Variants in RBMS1 observed in about 807,000 individuals in gnomAD.
RBMS1 encodes RNA-binding motif, single-stranded-interacting protein 1.
In RBMS1, 17 loss-of-function variants were observed where a neutral mutation model predicts 62.3. That is an observed-to-expected ratio of 0.27 (90% CI 0.19 to 0.41). The LOEUF is 0.41. Ranked by LOEUF, RBMS1 falls within the 10% of genes least tolerant of loss-of-function variation. The pLI is 1.00. For missense variants in RBMS1, 334 were observed against 504.5 expected (o/e 0.66, Z 3.24); for synonymous variants, 172 against 170.0 (o/e 1.01, Z -0.09).
At chr2:160,442,254 T>A (rs980647360) in intron 1 of RBMS1, among the ~76,000 whole-genome samples, 1 of 152,244 alleles carries the variant, frequency 6.6e-6, no homozygotes, top group African/African-American at 2.4e-5. Flanking sequence ...CTTCCATGTC[T>A]TCTTCCAGAA....
At chr2:160,336,394 G>A (rs906650854) in intron 2 of RBMS1, among the ~76,000 whole-genome samples, 3 of 152,020 alleles carry the variant, frequency 2.0e-5, no homozygotes, top group African/African-American at 7.2e-5. Flanking sequence ...TTTTTAGCGG[G>A]GAGACAACCC....
intron 7 of RBMS1, 28 bp downstream of exon 7, chr2:160,286,940 AC>A: frequency 6.8e-7 from 1 of 1,470,506 alleles, no homozygotes; most frequent in South Asian, 1.3e-5. Flanking sequence ...CCCCTCCCCC[AC>A]CCCGCAAAGT....
At chr2:160,420,509 T>C (rs573959848) in intron 1 of RBMS1, among the ~76,000 whole-genome samples, 26 of 152,286 alleles carry the variant, frequency 1.7e-4, no homozygotes, top group African/African-American at 5.5e-4. Flanking sequence ...AACTCCTCTA[T>C]TGAAGATACA....
In RBMS1 at chr2:160,311,210, A is replaced by ATCTCTCTCTCTCTCTCTCTCTCTC. The variant is rs1361792296; in HGVS notation, c.402+1945_402+1946insGAGAGAGAGAGAGAGAGAGAGAGA. On this transcript the variant is annotated intron_variant, in intron 4 of 13. Transcript: ENST00000348849. ...ACCCTGTCTCCAAAAAAAAAAAAAA[A>ATCTCTCTCTCTCTCTCTCTCTCTC]TCTATCTATCTATCTATCTATCTAT... 1.2e-3 allele frequency among the ~76,000 whole-genome samples: 69 copies of ATCTCTCTCTCTCTCTCTCTCTCTC among 56,550 alleles called. 3 individuals carry two copies. The highest frequency in any genetic ancestry group is 1.7e-3 in the Non-Finnish European group (47 of 27,188). The allele number at this position is 56,550 out of a possible 152,430, so 37.1% of individuals were successfully genotyped here.
intron 1 of RBMS1, among the ~76,000 whole-genome samples, chr2:160,370,435 C>T (rs1693662809): frequency 6.6e-6 from 1 of 152,172 alleles, no homozygotes; most frequent in Admixed American, 6.5e-5. Context: ...GAGTTCGAGA[C>T]CAGCCTGGCC....
chr2:160,397,749 A>G lies in RBMS1; in HGVS notation c.76-30358T>C, dbSNP rs576561046. ...TTTAAAAGTTTACAAAGACCTCCCA[A>G]TGGGTATTTCCAATGGCCCTTTACT... On this transcript the variant is annotated intron_variant, in intron 1 of 13. Transcript: ENST00000348849. Among the ~76,000 whole-genome samples, 7 of 152,138 alleles carry G rather than the reference A, an allele frequency of 4.6e-5. No homozygotes were observed. The East Asian group carries it at 1.4e-3, about 29-fold the overall frequency.
chr2:160,481,219 C>T (rs1372270083), intron 1 of RBMS1, among the ~76,000 whole-genome samples: 1 of 151,740 alleles, frequency 6.6e-6, no homozygotes, highest in South Asian at 2.1e-4. Context: ...AACAGCCATA[C>T]TGGGGCACCG....
intron 1 of RBMS1, among the ~76,000 whole-genome samples, chr2:160,372,255 T>G (rs1367795082): frequency 6.6e-6 from 1 of 150,510 alleles, no homozygotes. Flanking sequence ...AGCTAGGACC[T>G]GCCCTTTAAT....
At chr2:160,307,970 CTTAA>C (rs1033534869) in intron 4 of RBMS1, among the ~76,000 whole-genome samples, 1 of 152,132 alleles carries the variant, frequency 6.6e-6, no homozygotes, top group Admixed American at 6.6e-5. Flanking sequence ...AGTGATTGCC[CTTAA>C]TTTTTTTCTG....
intron 1 of RBMS1, among the ~76,000 whole-genome samples, chr2:160,453,115 T>C (rs537663987): frequency 5.9e-5 from 9 of 151,874 alleles, no homozygotes; most frequent in Non-Finnish European, 1.2e-4. Context: ...ATGATGATGA[T>C]GCTTATTATT....
At chr2:160,359,843 T>A (rs181689921) in intron 2 of RBMS1, among the ~76,000 whole-genome samples, 4 of 152,318 alleles carry the variant, frequency 2.6e-5, no homozygotes, top group Admixed American at 6.5e-5. Flanking sequence ...GCTTAAGAAA[T>A]CTTAGTATTA....
rs540689088 is a variant in RBMS1, at chr2:160,333,604, G to A, written c.252-15377C>T. 2.0e-5 allele frequency among the ~76,000 whole-genome samples: 3 copies of A among 152,262 alleles called. No individual in the cohort carries two copies. The South Asian group carries it at 6.2e-4, about 32-fold the overall frequency. On this transcript the variant is annotated intron_variant, in intron 2 of 13. Transcript: ENST00000348849. ...TTAACTCAGAAGGAAGGCAGGGAAT[G>A]GCTTGAAGCTGAAGCTCATTTCCTA...
chr2:160,380,174 C>A (rs1419294066), intron 1 of RBMS1, among the ~76,000 whole-genome samples: 2 of 152,170 alleles, frequency 1.3e-5, no homozygotes, highest in African/African-American at 4.8e-5. Flanking sequence ...TCCTCACTCA[C>A]CACAGAGAAA....
chr2:160,397,251 C>T (rs1417187892), intron 1 of RBMS1, among the ~76,000 whole-genome samples: 1 of 152,016 alleles, frequency 6.6e-6, no homozygotes, highest in Non-Finnish European at 1.5e-5. Flanking sequence ...TGTCATACTC[C>T]TTAAACTGAA....
chr2:160,298,287 A>G (rs1489606891), intron 6 of RBMS1, among the ~76,000 whole-genome samples: 1 of 152,102 alleles, frequency 6.6e-6, no homozygotes, highest in Non-Finnish European at 1.5e-5. Context: ...CAGGAGGAAG[A>G]GCAGAATTAG....
chr2:160,361,598 T>C (rs984981857), intron 2 of RBMS1, among the ~76,000 whole-genome samples: 6 of 152,354 alleles, frequency 3.9e-5, no homozygotes, highest in African/African-American at 1.4e-4. Context: ...GTTTACACTA[T>C]ATTGTAGCTT....
chr2:160,482,581 T>G (rs900212588), intron 1 of RBMS1, among the ~76,000 whole-genome samples: 2 of 152,190 alleles, frequency 1.3e-5, no homozygotes, highest in Non-Finnish European at 2.9e-5. Flanking sequence ...AACTAGATGA[T>G]TTTTAGAATA....
At chr2:160,372,919 C>T (rs192747195) in intron 1 of RBMS1, among the ~76,000 whole-genome samples, 1 of 152,136 alleles carries the variant, frequency 6.6e-6, no homozygotes, top group East Asian at 1.9e-4. Context: ...AAGAGTAAGG[C>T]CCCTTTACAC....
At chr2:160,321,334 A>T (rs1352619644) in intron 2 of RBMS1, among the ~76,000 whole-genome samples, 1 of 151,886 alleles carries the variant, frequency 6.6e-6, no homozygotes, top group Admixed American at 6.6e-5. Flanking sequence ...TTCTTTGCCC[A>T]TTCAGCTTCC....
Sources: gnomAD v4.1 joint callset for allele counts (sites outside exome capture counted in the v4.1 genomes callset) on GRCh38, gnomAD v4.1.1 for gene constraint, MANE v1.5 for transcripts, NCBI Gene and HGNC (gene_info 2026-07-23, HGNC 2026-07-21) for gene names.